ZCCHC14: variants seen among roughly 807,000 people sequenced by gnomAD.
ZCCHC14 encodes zinc finger CCHC domain-containing protein 14.
In ZCCHC14, 16 loss-of-function variants were observed where a neutral mutation model predicts 85.0. That is an observed-to-expected ratio of 0.19 (90% CI 0.13 to 0.29). ZCCHC14 has a LOEUF of 0.29. Among genes scored for constraint, ZCCHC14 ranks in the 10% least tolerant of loss-of-function variants. ZCCHC14 has a pLI of 1.00. For synonymous variants in ZCCHC14, 775 were observed against 630.7 expected (o/e 1.23, Z -3.43); for missense variants, 1,303 against 1,443.5 (o/e 0.90, Z 1.58).
chr16:87,467,583 T>C, intron 1 of ZCCHC14: 1 of 1,440,894 alleles, frequency 6.9e-7, no homozygotes, highest in Non-Finnish European at 9.8e-7. Context: ...TTCTGAAAAT[T>C]GGAATAGGTG....
rs897804009 is a variant in ZCCHC14, at chr16:87,412,951, A to G, written c.1770T>C (p.Ser590=). ...GCAGCATCACCGGCTTCTCCTTGTC[A>G]GAGCTCTCCAAGTGAATCTCCACAC... ...DRRVEIHLES[S]DKEKPVMLLN... Residue 590 remains serine, a synonymous_variant, in exon 12 of 13, where the codon TCT becomes TCC. Transcript: ENST00000671377. 6.2e-7 allele frequency: 1 copy of G among 1,608,360 alleles called. No individual in the cohort carries two copies. Among genetic ancestry groups the G allele is most frequent in the Non-Finnish European group, 8.5e-7 (1 of 1,176,960 alleles).
chr16:87,425,729 C>T (rs1256840787), intron 3 of ZCCHC14, among the ~76,000 whole-genome samples: 1 of 152,236 alleles, frequency 6.6e-6, no homozygotes. Flanking sequence ...CCACCACCAA[C>T]AGACACAAAC....
chr16:87,457,127 G>A (rs971891913), intron 2 of ZCCHC14, among the ~76,000 whole-genome samples: 8 of 152,218 alleles, frequency 5.3e-5, no homozygotes, highest in African/African-American at 1.9e-4. Flanking sequence ...GCCACACACA[G>A]TGACCTGGAG....
chr16:87,475,397 A>T (rs1027908987), intron 1 of ZCCHC14, among the ~76,000 whole-genome samples: 14 of 152,108 alleles, frequency 9.2e-5, no homozygotes, highest in East Asian at 7.7e-4. Flanking sequence ...ACAAAAAAAT[A>T]AAAAAATTAC....
At chr16:87,416,316 G>C (rs1400745682) in intron 8 of ZCCHC14, among the ~76,000 whole-genome samples, 1 of 152,202 alleles carries the variant, frequency 6.6e-6, no homozygotes, top group African/African-American at 2.4e-5. Flanking sequence ...CCATTGTGTA[G>C]GCTGGTGCTA....
chr16:87,460,311 A>C (rs1911197538), intron 1 of ZCCHC14, among the ~76,000 whole-genome samples, 180 bp from the exon 2 acceptor site: 1 of 152,196 alleles, frequency 6.6e-6, no homozygotes, highest in South Asian at 2.1e-4. Context: ...CTCTCCACTG[A>C]AAGTGCAAAA....
chr16:87,460,257 T>A (rs923832478), intron 1 of ZCCHC14, 126 bp from the exon 2 acceptor site: 2 of 1,269,838 alleles, frequency 1.6e-6, no homozygotes, highest in Non-Finnish European at 2.1e-6. Flanking sequence ...TGTATTATTA[T>A]AATAATAAGC....
chr16:87,481,977 A>G (rs1912301986), intron 1 of ZCCHC14, among the ~76,000 whole-genome samples: 1 of 152,228 alleles, frequency 6.6e-6, no homozygotes, highest in South Asian at 2.1e-4. Context: ...CGAGAGAGCC[A>G]GAGAGCAAGC....
At chr16:87,434,869 T>C (rs902839397) in intron 2 of ZCCHC14, among the ~76,000 whole-genome samples, 6 of 151,498 alleles carry the variant, frequency 4.0e-5, no homozygotes, top group African/African-American at 1.5e-4. Context: ...CGGACACCTG[T>C]AATCCCAGCT....
intron 1 of ZCCHC14, among the ~76,000 whole-genome samples, chr16:87,463,167 A>G (rs560353394): frequency 1.3e-5 from 2 of 152,356 alleles, no homozygotes; most frequent in South Asian, 4.1e-4. Context: ...GGATCACTTG[A>G]GGCCACGAGT....
rs764690870 is a variant in ZCCHC14, at chr16:87,413,038, C to T, written c.1744+17G>A. On this transcript the variant is annotated intron_variant, in intron 11 of 12. Transcript: ENST00000671377. ...CAGCTGGGCCAGGTCGAGCCAGCGC[C>T]GCGCACGTGCCCTTACGTCTGTCAT... 1.4e-5 allele frequency: 22 copies of T among 1,614,042 alleles called. 2 individuals are homozygous for T. In the South Asian group the frequency reaches 2.0e-4, roughly 14 times the overall value.
intron 1 of ZCCHC14, among the ~76,000 whole-genome samples, chr16:87,466,775 A>G (rs1911539931): frequency 6.6e-6 from 1 of 152,154 alleles, no homozygotes; most frequent in South Asian, 2.1e-4. Context: ...GCCTGCTTCC[A>G]TAAAGGCAGG....
At chr16:87,465,778 A>T (rs1261279244) in intron 1 of ZCCHC14, among the ~76,000 whole-genome samples, 1 of 152,086 alleles carries the variant, frequency 6.6e-6, no homozygotes, top group Non-Finnish European at 1.5e-5. Flanking sequence ...TTCAAGGTAA[A>T]TCTTCACCAT....
At chr16:87,458,504 G>C (rs1212473182) in intron 2 of ZCCHC14, among the ~76,000 whole-genome samples, 3 of 152,216 alleles carry the variant, frequency 2.0e-5, no homozygotes, top group Non-Finnish European at 2.9e-5. Flanking sequence ...CAGGGCTGCA[G>C]TAAGGAGTTA....
chr16:87,449,751 T>A (rs1299724067), intron 2 of ZCCHC14, among the ~76,000 whole-genome samples: 1 of 152,136 alleles, frequency 6.6e-6, no homozygotes, highest in Non-Finnish European at 1.5e-5. Context: ...GTTTAAAAAA[T>A]GACCCAGGAT....
rs1909028676 is a variant in ZCCHC14, at chr16:87,420,334, GCAGCC to G, written c.950+268_950+272del. Among the ~76,000 whole-genome samples the G allele has an allele frequency of 6.6e-6, 1 of 152,242 alleles. No homozygotes were observed. On this transcript the variant is annotated intron_variant, in intron 5 of 12. Coordinates refer to ENST00000671377, the MANE Select transcript of ZCCHC14 (RefSeq NM_015144.3). The surrounding 1 kb of genome is among the most constrained non-coding windows in gnomAD (Gnocchi z 5.0). ...AACCTTGGACTACAGGATGGAAACA[GCAGCC>G]CAGGATTATTTCACAGGACTGCCAA...
At position 87,409,972 on chromosome 16, in the gene ZCCHC14, G is replaced by A. The variant is rs567848364; in HGVS notation, c.*308C>T. The A allele has an allele frequency of 4.2e-5, 10 of 239,024 alleles. No homozygotes were observed. In the Admixed American group the frequency reaches 5.2e-4, roughly 12 times the overall value. The allele number at this position is 239,024 out of a possible 1,614,324, so 14.8% of individuals were successfully genotyped here. A position where few individuals can be genotyped will look rare whatever the true frequency, so the allele number is the denominator to read the frequency against. ...TGGAATTGACGTGTGAGCCTAGGAG[G>A]GCCAGTGATGGCAATGCTCTTCGGG... On this transcript the variant is annotated 3_prime_UTR_variant, in exon 13 of 13. Coordinates refer to ENST00000671377, the MANE Select transcript of ZCCHC14 (RefSeq NM_015144.3).
At chr16:87,458,125 G>A (rs117513180) in intron 2 of ZCCHC14, among the ~76,000 whole-genome samples, 2,440 of 151,780 alleles carry the variant, frequency 0.016, 24 homozygotes, top group Middle Eastern at 0.048. Context: ...GAATGGGGAT[G>A]TCAATAATTA....
At chr16:87,427,371 GA>G (rs1909424976) in intron 3 of ZCCHC14, among the ~76,000 whole-genome samples, 1 of 152,216 alleles carries the variant, frequency 6.6e-6, no homozygotes, top group Non-Finnish European at 1.5e-5. Context: ...AACAGTGACT[GA>G]CAGCGTACTC....
Sources: gnomAD v4.1 joint callset for allele counts (sites outside exome capture counted in the v4.1 genomes callset) on GRCh38, gnomAD v4.1.1 for gene constraint, Gnocchi (gnomAD v3.1) non-coding constraint, MANE v1.5 for transcripts, NCBI Gene and HGNC (gene_info 2026-07-23, HGNC 2026-07-21) for gene names.